TNRC6C: variants seen among roughly 807,000 people sequenced by gnomAD.
TNRC6C encodes the protein trinucleotide repeat containing adaptor 6C, also known as trinucleotide repeat-containing gene 6C protein.
TNRC6C carries 20 observed loss-of-function variants against 153.7 expected under a neutral mutation model. The observed-to-expected ratio is 0.13, with a 90% CI of 0.09 to 0.19. The LOEUF (loss-of-function observed/expected upper bound fraction) is 0.19, where lower values mean the gene tolerates loss of function less well. Ranked by LOEUF, TNRC6C falls within the 10% of genes least tolerant of loss-of-function variation. The pLI is 1.00. For synonymous variants in TNRC6C, 811 were observed against 841.4 expected, an observed-to-expected ratio of 0.96 and a Z score of 0.63; for missense variants, 1,987 against 2,172.0, an observed-to-expected ratio of 0.91 and a Z score of 1.69.
intron 2 of TNRC6C, among the ~76,000 whole-genome samples, chr17:78,047,919 G>A (rs150205733): frequency 8.0e-4 from 122 of 152,272 alleles, no homozygotes; most frequent in African/African-American, 2.9e-3. Context: ...AATTGTTAAA[G>A]TCATAGGAAA....
chr17:78,004,948 A>T (rs1362253101), upstream of TNRC6C: 2 of 878,504 alleles, frequency 2.3e-6, no homozygotes, highest in East Asian at 3.3e-5. Flanking sequence ...ACTCATTTTT[A>T]AAATTTTCAA....
intron 11 of TNRC6C, among the ~76,000 whole-genome samples, chr17:78,085,409 G>A (rs919411904): frequency 6.6e-6 from 1 of 152,144 alleles, no homozygotes; most frequent in Non-Finnish European, 1.5e-5. Flanking sequence ...TCACTTAAGT[G>A]GGGTATTTTA....
chr17:78,035,657 TTGAC>T (rs760464780), intron 2 of TNRC6C, among the ~76,000 whole-genome samples: 129 of 152,328 alleles, frequency 8.5e-4, no homozygotes, highest in Non-Finnish European at 1.3e-3. Flanking sequence ...GTCAAAATTT[TTGAC>T]TGACTAAATT....
At chr17:78,103,476 G>A in exon 19 of TNRC6C, 2 of 1,614,018 alleles carry the variant, frequency 1.2e-6, no homozygotes, top group Non-Finnish European at 1.7e-6. Context: ...CATTCCACCT[G>A]AATCTGACTC....
upstream of TNRC6C, among the ~76,000 whole-genome samples, chr17:78,002,053 C>T (rs1238074632): frequency 1.3e-5 from 2 of 151,880 alleles, no homozygotes; most frequent in South Asian, 2.1e-4. Flanking sequence ...AGAAAAAATA[C>T]AAATTGACTC....
intron 1 of TNRC6C, among the ~76,000 whole-genome samples, chr17:77,970,754 G>A (rs989696324): frequency 8.5e-5 from 13 of 152,088 alleles, no homozygotes; most frequent in African/African-American, 2.9e-4. Context: ...TTCCAAGGTG[G>A]CCCAGGGAAG....
At position 78,049,192 on chromosome 17, in the gene TNRC6C, A is replaced by C; in HGVS notation, c.130A>C (p.Ser44Arg). The C allele has an allele frequency of 6.2e-7, 1 of 1,613,270 alleles. No homozygotes were observed. Among genetic ancestry groups the C allele is most frequent in the East Asian group, 2.2e-5 (1 of 44,882 alleles). Residue 44 changes from serine (S) to arginine (R), a missense_variant, in exon 3 of 20, where the codon AGT becomes CGT. Around this residue, in one of 4 missense-constraint regions of TNRC6C, gnomAD observed 1,052 missense variants for 1,017.0 expected, o/e 1.03. Transcript: ENST00000301624. The surrounding 1 kb of genome is among the most constrained non-coding windows in gnomAD (Gnocchi z 4.1). ...TGCCCTTGGAGCAGGGGGAGCGAAC[A>C]GTAATGGAAGTGCGGCCAGAGTGTG...
chr17:78,056,453 C>T (rs953959485), intron 3 of TNRC6C, among the ~76,000 whole-genome samples: 4 of 150,956 alleles, frequency 2.6e-5, no homozygotes, highest in Non-Finnish European at 5.9e-5. Flanking sequence ...CCACCATGGC[C>T]GGCCCAGAAA....
At chr17:78,077,952 T>C (rs2073113487) in intron 9 of TNRC6C, among the ~76,000 whole-genome samples, 1 of 152,194 alleles carries the variant, frequency 6.6e-6, no homozygotes, top group Non-Finnish European at 1.5e-5. Flanking sequence ...CCAAAAAACA[T>C]ATCATCCTTT....
chr17:77,994,620 A>G (rs2071300398), intron 1 of TNRC6C, among the ~76,000 whole-genome samples: 1 of 152,210 alleles, frequency 6.6e-6, no homozygotes, highest in South Asian at 2.1e-4. Context: ...CACTTCAGTG[A>G]CAGACCAACG....
exon 4 of TNRC6C, chr17:78,064,860 G>A (rs1405616711): frequency 1.2e-6 from 2 of 1,613,138 alleles, no homozygotes; most frequent in Non-Finnish European, 1.7e-6. Context: ...AGCGGGTGGG[G>A]AGATCACCCT....
In TNRC6C at chr17:78,092,920, A is replaced by G. The variant is rs746341081; in HGVS notation, c.3971-13A>G. ...GTATTCACTCGCTTCTTTGTTTCCT[A>G]TTGTCCCCATAGGTGCTATCCCTGG... On this transcript the variant is annotated splice_polypyrimidine_tract_variant and intron_variant, in intron 14 of 19. Transcript: ENST00000301624. 1.1e-5 allele frequency: 17 copies of G among 1,612,346 alleles called. No individual in the cohort carries two copies. The highest frequency in any genetic ancestry group is 2.2e-5 in the East Asian group (1 of 44,848).
chr17:78,009,437 T>A, intron 1 of TNRC6C, among the ~76,000 whole-genome samples: 1 of 152,198 alleles, frequency 6.6e-6, no homozygotes, highest in East Asian at 1.9e-4. Context: ...TTAGCCAGAT[T>A]TGTTTAACTT....
rs200678920 is a variant in TNRC6C, at chr17:78,049,847, A to G, written c.785A>G (p.Asn262Ser). 3.1e-6 allele frequency: 5 copies of G among 1,613,752 alleles called. No individual in the cohort carries two copies. The highest frequency in any genetic ancestry group is 2.7e-5 in the African/African-American group (2 of 74,948). ...GGTAACCCTGCCACAGGAAATAGCA[A>G]TTCTGGGTTCAGTCAGGGGAATGGA... Residue 262 changes from asparagine (N) to serine (S), a missense_variant, in exon 3 of 20, where the codon AAT becomes AGT. Around this residue, in one of 4 missense-constraint regions of TNRC6C, gnomAD observed 1,052 missense variants for 1,017.0 expected, o/e 1.03. Transcript: ENST00000301624. The surrounding 1 kb of genome is among the most constrained non-coding windows in gnomAD (Gnocchi z 4.1).
At chr17:78,040,172 A>G (rs924559303) in intron 2 of TNRC6C, among the ~76,000 whole-genome samples, 1 of 152,234 alleles carries the variant, frequency 6.6e-6, no homozygotes, top group African/African-American at 2.4e-5. Context: ...TATTTAGCCA[A>G]ATAGCAACAG....
At chr17:77,991,059 G>T (rs1026874339) in intron 1 of TNRC6C, among the ~76,000 whole-genome samples, 2 of 152,224 alleles carry the variant, frequency 1.3e-5, no homozygotes, top group Admixed American at 6.5e-5. Context: ...ATAAAAGTTC[G>T]TATTTTATAA....
chr17:77,963,835 G>T (rs532290265), intron 1 of TNRC6C, among the ~76,000 whole-genome samples: 2 of 152,212 alleles, frequency 1.3e-5, no homozygotes, highest in Non-Finnish European at 2.9e-5. Context: ...AGTGATTAAG[G>T]ATGAGCAATA....
intron 13 of TNRC6C, among the ~76,000 whole-genome samples, chr17:78,087,494 C>T (rs1269067123): frequency 6.6e-6 from 1 of 151,994 alleles, no homozygotes; most frequent in Non-Finnish European, 1.5e-5. Context: ...ATAATACTCT[C>T]AGTATAAAAC....
chr17:77,988,913 A>G (rs2071210724), intron 1 of TNRC6C, among the ~76,000 whole-genome samples: 1 of 152,254 alleles, frequency 6.6e-6, no homozygotes, highest in South Asian at 2.1e-4. Flanking sequence ...ATTTTCTAAA[A>G]TGTAAGCTCC....
Sources: gnomAD v4.1 joint callset for allele counts (sites outside exome capture counted in the v4.1 genomes callset) on GRCh38, gnomAD v4.1.1 for gene constraint, gnomAD v4.1.1 regional missense constraint, Gnocchi (gnomAD v3.1) non-coding constraint, MANE v1.5 for transcripts, NCBI Gene and HGNC (gene_info 2026-07-23, HGNC 2026-07-21) for gene names.